The following HMX1 variants were observed in gnomAD, a reference collection of about 807,000 sequenced individuals.
HMX1 encodes homeobox protein HMX1.
A neutral mutation model predicts 8.9 loss-of-function variants in HMX1; 8 were observed. That is an observed-to-expected ratio of 0.90 (90% CI 0.53 to 1.63). The LOEUF is 1.63. Ranked by LOEUF, HMX1 falls within the 40% of genes most tolerant of loss-of-function variation. HMX1 has a pLI of 0.00. For synonymous variants in HMX1, 311 were observed against 283.4 expected, an observed-to-expected ratio of 1.10 and a Z score of -0.98; for missense variants, 621 against 558.5, an observed-to-expected ratio of 1.11 and a Z score of -1.13.
downstream of HMX1, among the ~76,000 whole-genome samples, chr4:8,862,817 G>A (rs186838683): frequency 1.7e-3 from 264 of 152,258 alleles, no homozygotes; most frequent in Middle Eastern, 6.8e-3. Flanking sequence ...CTCCCCAGGC[G>A]GTGAGGCTGG....
At chr4:8,850,831 C>T (rs550532087) in intron 1 of HMX1, among the ~76,000 whole-genome samples, 34 of 152,378 alleles carry the variant, frequency 2.2e-4, no homozygotes, top group African/African-American at 7.9e-4. Context: ...ACCCAGGCTC[C>T]TGAGAGGCTG....
downstream of HMX1, among the ~76,000 whole-genome samples, chr4:8,864,673 G>A (rs1721938553): frequency 6.6e-6 from 1 of 152,174 alleles, no homozygotes; most frequent in Admixed American, 6.5e-5. Flanking sequence ...TTTGGTGCCA[G>A]CCCCAAGACG....
chr4:8,866,196 A>G (rs987055791), downstream of HMX1, among the ~76,000 whole-genome samples: 3 of 152,136 alleles, frequency 2.0e-5, no homozygotes, highest in Non-Finnish European at 4.4e-5. Context: ...ACACAGATGC[A>G]CTGACCCCCA....
At chr4:8,866,370 A>G (rs987877141), downstream of HMX1, among the ~76,000 whole-genome samples, 2 of 152,220 alleles carry the variant, frequency 1.3e-5, no homozygotes, top group Non-Finnish European at 2.9e-5. Flanking sequence ...ATGGAAGTGA[A>G]CTTTTCAAAC....
rs1255370688 is a variant in HMX1, at chr4:8,867,279, G to T, written c.*414C>A. On this transcript the variant is annotated 3_prime_UTR_variant, in exon 2 of 2. Transcript: ENST00000400677. ...CAGGAAAGGGACGTTTAGTGTTGGG[G>T]GCAGTCTGTGGGGACAGTCACCGCT... 8.1e-6 allele frequency: 8 copies of T among 987,110 alleles called. No homozygotes were observed. The highest frequency in any genetic ancestry group is 8.4e-6 in the Non-Finnish European group (7 of 831,220). The allele number at this position is 987,110 out of a possible 1,614,324, so 61.1% of individuals were successfully genotyped here. A position where few individuals can be genotyped will look rare whatever the true frequency, so the allele number is the denominator to read the frequency against.
At chr4:8,859,762 T>G (rs1050510031) in intron 1 of HMX1, among the ~76,000 whole-genome samples, 27 of 152,322 alleles carry the variant, frequency 1.8e-4, no homozygotes, top group Non-Finnish European at 3.8e-4. Context: ...CCCCCGCCCC[T>G]TCGTCATCGT....
intron 1 of HMX1, among the ~76,000 whole-genome samples, chr4:8,854,441 G>C (rs924147778): frequency 6.6e-6 from 1 of 152,252 alleles, no homozygotes; most frequent in South Asian, 2.1e-4. Flanking sequence ...TCAAGGAGGG[G>C]TGTTAAACTT....
In HMX1 at chr4:8,871,458, CG is replaced by C; in HGVS notation, c.156del (p.Glu53LysfsTer172). Reference sequence around the variant, plus strand: ...CGCGCCTGCTCGGCGTCCTCGTCTTCGGGGTCGTCGTCGTCCTCCTCCTCGT... The same window carrying C: ...CGCGCCTGCTCGGCGTCCTCGTCTTCGGGTCGTCGTCGTCCTCCTCCTCGT... ...REDEEEDDDD[P>X]EDEDAEQARR... On this transcript the variant is annotated frameshift_variant, in exon 1 of 2. Coordinates refer to ENST00000400677, the MANE Select transcript of HMX1 (RefSeq NM_018942.3). LOFTEE classifies it high-confidence loss of function. The surrounding 1 kb of genome is among the most constrained non-coding windows in gnomAD (Gnocchi z 4.8). 1 of 1,342,220 alleles carries C rather than the reference CG, an allele frequency of 7.5e-7. No homozygotes were observed. Among genetic ancestry groups the C allele is most frequent in the South Asian group, 1.5e-5 (1 of 64,776 alleles). 83.1% of individuals were successfully genotyped at this position (1,342,220 alleles called of 1,614,324 possible). A position where few individuals can be genotyped will look rare whatever the true frequency, so the allele number is the denominator to read the frequency against.
chr4:8,857,290 C>G (rs1003342992), intron 1 of HMX1, among the ~76,000 whole-genome samples: 1 of 152,218 alleles, frequency 6.6e-6, no homozygotes, highest in African/African-American at 2.4e-5. Context: ...AGGCCGCCAA[C>G]CTCGCCCAGC....
In HMX1 at chr4:8,848,990, C is replaced by T. The variant is rs1320609159; in HGVS notation, c.395-2666G>A. On this transcript the variant is annotated intron_variant, in intron 1 of 1. Transcript: ENST00000506970. The surrounding 1 kb of genome is among the most constrained non-coding windows in gnomAD (Gnocchi z 4.1). ...AGCTCACGTTACCGCAGGAGCAATT[C>T]CTCCTCTCTGAACAGAGTGCAGCAT... 6.6e-6 allele frequency among the ~76,000 whole-genome samples: 1 copy of T among 152,160 alleles called. No homozygotes were observed. The highest frequency in any genetic ancestry group is 1.9e-4 in the East Asian group (1 of 5,162).
Position 8,868,342 on chromosome 4 carries a change from C to A in HMX1, c.398G>T (p.Ser133Ile). Reference protein sequence around the residue: ...GYGGGLSPDTSDRDSPETGEE... With the variant: ...GYGGGLSPDTIDRDSPETGEE... ...GCCCGTCTCCGGTGAGTCCCGGTCG[C>A]TGGCTGCAGGGGAGAGAGGGCACCA... The change falls in exon 2 of 2, where the codon AGC (serine) becomes ATC (isoleucine). Residue 133 changes from serine (S) to isoleucine (I), a missense_variant. By Grantham distance (142) the Ser-to-Ile change is moderately radical. Coordinates refer to ENST00000400677, the MANE Select transcript of HMX1 (RefSeq NM_018942.3). The surrounding 1 kb of genome is among the most constrained non-coding windows in gnomAD (Gnocchi z 4.6). The A allele has an allele frequency of 1.4e-6, 2 of 1,382,222 alleles. No individual in the cohort carries two copies. The highest frequency in any genetic ancestry group is 1.9e-6 in the Non-Finnish European group (2 of 1,077,240). The allele number at this position is 1,382,222 out of a possible 1,614,324, so 85.6% of individuals were successfully genotyped here.
chr4:8,854,593 T>C (rs2109456841), intron 1 of HMX1, among the ~76,000 whole-genome samples: 1 of 152,336 alleles, frequency 6.6e-6, no homozygotes, highest in African/African-American at 2.4e-5. Flanking sequence ...ACATCGGCTC[T>C]TGCCTGAACT....
At position 8,871,632 on chromosome 4, in the gene HMX1, C is replaced by T. The variant is rs1722229397; in HGVS notation, c.-18G>A. On this transcript the variant is annotated 5_prime_UTR_variant, in exon 1 of 2. Transcript: ENST00000400677. The surrounding 1 kb of genome is among the most constrained non-coding windows in gnomAD (Gnocchi z 4.8). ...TCAGGCATCGCGGCCGCGGGCTTCTCGGGCTCGGCCGGGCTCCTCGGTCCC... is the reference window on the plus strand; with the variant it reads ...TCAGGCATCGCGGCCGCGGGCTTCTTGGGCTCGGCCGGGCTCCTCGGTCCC... The T allele has an allele frequency of 4.8e-6, 6 of 1,237,334 alleles. No individual in the cohort carries two copies. The highest frequency in any genetic ancestry group is 3.5e-5 in the East Asian group (1 of 28,296). The allele number at this position is 1,237,334 out of a possible 1,614,324, so 76.6% of individuals were successfully genotyped here. A position where few individuals can be genotyped will look rare whatever the true frequency, so the allele number is the denominator to read the frequency against.
chr4:8,868,126 T>C lies in HMX1; in HGVS notation c.614A>G (p.Lys205Arg). Residue 205 changes from lysine to arginine, a missense_variant, in exon 2 of 2, where the codon AAG becomes AGG. By Grantham distance (26) the Lys-to-Arg change is conservative (BLOSUM62 2). Transcript: ENST00000400677. This position sits in a 1 kb window ranked among gnomAD's most constrained non-coding sequence, Gnocchi z 4.6. Reference protein sequence around the residue: ...GVGVGGGRKKKTRTVFSRSQV... With the variant: ...GVGVGGGRKKRTRTVFSRSQV... Reference sequence around the variant, plus strand: ...GCTGCGGGAGAAGACTGTGCGCGTCTTCTTCTTTCGGCCGCCGCCCACGCC... The same window carrying C: ...GCTGCGGGAGAAGACTGTGCGCGTCCTCTTCTTTCGGCCGCCGCCCACGCC... The C allele has an allele frequency of 1.3e-6, 2 of 1,514,610 alleles. No homozygotes were observed. The highest frequency in any genetic ancestry group is 1.8e-4 in the Middle Eastern group (1 of 5,576). The allele number at this position is 1,514,610 out of a possible 1,614,324, so 93.8% of individuals were successfully genotyped here.
rs573050045 is a variant in HMX1 at position 8,854,819 on chromosome 4, C to G, written c.395-8495G>C. On this transcript the variant is annotated intron_variant, in intron 1 of 1. Transcript: ENST00000506970. Reference sequence around the variant, plus strand: ...AGTAACAGTAGTAAGTCCAACATCACCCAGCACACTTCAAACCATTTTGTA... The same window carrying G: ...AGTAACAGTAGTAAGTCCAACATCAGCCAGCACACTTCAAACCATTTTGTA... 5.9e-5 allele frequency among the ~76,000 whole-genome samples: 9 copies of G among 152,352 alleles called. No individual in the cohort carries two copies. The East Asian group carries it at 1.7e-3, about 29-fold the overall frequency.
Position 8,871,697 on chromosome 4 carries a change from G to T in HMX1, c.-83C>A, listed in dbSNP as rs543496155. On this transcript the variant is annotated 5_prime_UTR_variant, in exon 1 of 2. Coordinates refer to ENST00000400677, the MANE Select transcript of HMX1 (RefSeq NM_018942.3). The surrounding 1 kb of genome is among the most constrained non-coding windows in gnomAD (Gnocchi z 4.8). ...GCGCGCGGCTCCCGGGCGCACGCGCGGGCCGGCCCTGGAGCTGCTACCCGG... is the reference window on the plus strand; with the variant it reads ...GCGCGCGGCTCCCGGGCGCACGCGCTGGCCGGCCCTGGAGCTGCTACCCGG... 2,278 of 1,115,208 alleles carry T rather than the reference G, an allele frequency of 2.0e-3. 3 individuals carry two copies. Among genetic ancestry groups the T allele is most frequent in the Admixed American group, 3.2e-3 (64 of 19,806 alleles). The allele number at this position is 1,115,208 out of a possible 1,614,324, so 69.1% of individuals were successfully genotyped here. A position where few individuals can be genotyped will look rare whatever the true frequency, so the allele number is the denominator to read the frequency against.
chr4:8,848,009 C>G lies in HMX1; in HGVS notation c.395-1685G>C, dbSNP rs189233574. Among the ~76,000 whole-genome samples the G allele has an allele frequency of 6.6e-6, 1 of 152,246 alleles. No homozygotes were observed. The highest frequency in any genetic ancestry group is 1.9e-4 in the East Asian group (1 of 5,160). On this transcript the variant is annotated intron_variant, in intron 1 of 1. Coordinates refer to the HMX1 transcript ENST00000506970. This position sits in a 1 kb window ranked among gnomAD's most constrained non-coding sequence, Gnocchi z 4.1. ...AGGGTGACATCTGAGCTCAGCGAAC[C>G]GAATTTTGAATCTAAAACTCGACAC...
Position 8,849,877 on chromosome 4 carries a change from G to C in HMX1, c.395-3553C>G, listed in dbSNP as rs1224659754. ...CCCTCAGCCCGGAGTCTTCAGATGA[G>C]GGTTCTCTGCCCTTGCTTCCTGTCA... On this transcript the variant is annotated intron_variant, in intron 1 of 1. Coordinates refer to the HMX1 transcript ENST00000506970. The surrounding 1 kb of genome is among the most constrained non-coding windows in gnomAD (Gnocchi z 6.6). Among the ~76,000 whole-genome samples, 2 of 152,190 alleles carry C rather than the reference G, an allele frequency of 1.3e-5. No individual in the cohort carries two copies. The highest frequency in any genetic ancestry group is 4.8e-5 in the African/African-American group (2 of 41,462).
At chr4:8,857,399 C>CGG in intron 1 of HMX1, among the ~76,000 whole-genome samples, 1 of 152,160 alleles carries the variant, frequency 6.6e-6, no homozygotes, top group East Asian at 1.9e-4. Context: ...AGGCAGGAGG[C>CGG]GGGGTCTGGG....
Sources: allele counts gnomAD v4.1 joint callset (sites outside exome capture counted in the v4.1 genomes callset), GRCh38; gene constraint gnomAD v4.1.1; non-coding constraint Gnocchi (gnomAD v3.1); transcripts MANE v1.5; gene names NCBI Gene and HGNC (gene_info 2026-07-23, HGNC 2026-07-21).